RIN3: variants seen among roughly 807,000 people sequenced by gnomAD.
The protein encoded by RIN3 is RAB5 interacting protein 3.
Under a neutral mutation model 76.3 loss-of-function variants are expected in RIN3, and 54 were observed. The observed-to-expected ratio is 0.71, with a 90% confidence interval of 0.57 to 0.89. The LOEUF is 0.89. Among genes scored for constraint, RIN3 ranks in the 40% least tolerant of loss-of-function variants. The probability of loss-of-function intolerance (pLI) is 0.00; values close to 1 mark genes in which losing one functional copy is unlikely to be tolerated. For missense variants in RIN3, 1,256 were observed against 1,322.1 expected (o/e 0.95, Z 0.78); for synonymous variants, 576 against 564.0 (o/e 1.02, Z -0.30).
intron 5 of RIN3, among the ~76,000 whole-genome samples, chr14:92,650,218 G>C (rs1307211498): frequency 6.6e-6 from 1 of 152,208 alleles, no homozygotes; most frequent in Admixed American, 6.5e-5. Flanking sequence ...ATGAAGGAAG[G>C]CCGCCTAACA....
chr14:92,574,744 G>A (rs1898170028), intron 2 of RIN3, among the ~76,000 whole-genome samples: 1 of 152,048 alleles, frequency 6.6e-6, no homozygotes, highest in Admixed American at 6.6e-5. Flanking sequence ...TGGAGGAGAG[G>A]GGCTGCTAAA....
intron 3 of RIN3, among the ~76,000 whole-genome samples, chr14:92,598,968 G>T (rs1023637530): frequency 1.3e-5 from 2 of 152,152 alleles, no homozygotes; most frequent in South Asian, 4.1e-4. Flanking sequence ...GAATAGAAGT[G>T]TCCTGTTTGG....
At chr14:92,650,825 T>G (rs1470744615) in intron 5 of RIN3, 1 of 152,494 alleles carries the variant, frequency 6.6e-6, no homozygotes, top group Non-Finnish European at 1.5e-5. Context: ...ACTGAGCCCC[T>G]GGGGACTGGG....
At chr14:92,667,877 G>A (rs1015135243) in intron 7 of RIN3, among the ~76,000 whole-genome samples, 3 of 146,102 alleles carry the variant, frequency 2.1e-5, no homozygotes, top group Non-Finnish European at 4.5e-5. Flanking sequence ...GGAATGGGGG[G>A]GCATCTGAAA....
At chr14:92,608,909 A>G (rs956642437) in intron 3 of RIN3, among the ~76,000 whole-genome samples, 3 of 152,100 alleles carry the variant, frequency 2.0e-5, no homozygotes, top group Admixed American at 1.3e-4. Flanking sequence ...ATTTATTTTA[A>G]TTTGGGGGTA....
chr14:92,571,999 T>C (rs888368723), intron 2 of RIN3, among the ~76,000 whole-genome samples: 1 of 152,208 alleles, frequency 6.6e-6, no homozygotes, highest in African/African-American at 2.4e-5. Context: ...AGGCAAGTTT[T>C]AGAGCAGGAG....
intron 3 of RIN3, among the ~76,000 whole-genome samples, chr14:92,603,968 C>T (rs1015262977): frequency 1.6e-4 from 24 of 152,368 alleles, no homozygotes; most frequent in Admixed American, 5.9e-4. Context: ...AGCCCTGTGA[C>T]GGTAGCAAAC....
chr14:92,609,461 C>T (rs1304609692), intron 3 of RIN3, among the ~76,000 whole-genome samples: 2 of 152,212 alleles, frequency 1.3e-5, no homozygotes, highest in Non-Finnish European at 2.9e-5. Flanking sequence ...TATGTTTCCC[C>T]TGAGGCTTTT....
Position 92,530,675 on chromosome 14 carries a change from T to C in RIN3, c.44+16699T>C, listed in dbSNP as rs376210800. On this transcript the variant is annotated intron_variant, in intron 1 of 9. Transcript: ENST00000216487. ...ATTCAGCCACCTGAACCCAGGTTTC[T>C]CTGAGTCCAGAGCCTCTGCCCTAGC... Among the ~76,000 whole-genome samples the C allele has an allele frequency of 4.1e-3, 628 of 152,264 alleles. 5 individuals carry two copies. The highest frequency in any genetic ancestry group is 0.014 in the African/African-American group (595 of 41,526).
chr14:92,587,273 C>A (rs998359797), intron 3 of RIN3, among the ~76,000 whole-genome samples: 4 of 152,236 alleles, frequency 2.6e-5, no homozygotes, highest in African/African-American at 9.6e-5. Context: ...ACACCTGTCT[C>A]AGGTAATGGC....
At chr14:92,653,358 G>C (rs893498375) in intron 6 of RIN3, among the ~76,000 whole-genome samples, 1 of 152,162 alleles carries the variant, frequency 6.6e-6, no homozygotes, top group Non-Finnish European at 1.5e-5. Context: ...CCCTGCCATG[G>C]GGGACAAAGA....
chr14:92,555,825 C>T lies in RIN3; in HGVS notation c.119C>T (p.Pro40Leu), dbSNP rs761099402. ...DGMRLCLPANPKNCLPHRRGI... is the reference protein window; with the variant it reads ...DGMRLCLPANLKNCLPHRRGI... ...ATGCGGCTTTGTCTGCCAGCCAACC[C>T]GAAAAACTGCCTTCCTCACCGCCGG... Residue 40 changes from proline to leucine, a missense_variant, in exon 2 of 10, where the codon CCG becomes CTG. This residue lies in a region of RIN3 where 610 missense variants were observed against 626.4 expected (regional missense o/e 0.97). Coordinates refer to ENST00000216487, the MANE Select transcript of RIN3 (RefSeq NM_024832.5). 29 of 1,614,012 alleles carry T rather than the reference C, an allele frequency of 1.8e-5. No individual in the cohort carries two copies. The highest frequency in any genetic ancestry group is 2.3e-5 in the Non-Finnish European group (27 of 1,180,032).
intron 6 of RIN3, 118 bp downstream of exon 6, chr14:92,653,193 C>A: frequency 9.2e-7 from 1 of 1,091,706 alleles, no homozygotes; most frequent in Non-Finnish European, 1.3e-6. Context: ...ACCCCCTATC[C>A]CTTCCTGGGC....
chr14:92,659,216 C>T lies in RIN3; in HGVS notation c.2082C>T (p.Ala694=), dbSNP rs912599944. 2 of 1,614,040 alleles carry T rather than the reference C, an allele frequency of 1.2e-6. No homozygotes were observed. Among genetic ancestry groups the T allele is most frequent in the Admixed American group, 1.7e-5 (1 of 60,000 alleles). ...GTGTCCTGAAGCCCCTGAAGGAAGC[C>T]ATCAACTCATGCCTGCATCAGATCC... ...YKCVLKPLKE[A]INSCLHQIHS... Residue 694 remains alanine (A), a synonymous_variant, in exon 7 of 10, where the codon GCC becomes GCT. Coordinates refer to ENST00000216487, the MANE Select transcript of RIN3 (RefSeq NM_024832.5).
intron 2 of RIN3, among the ~76,000 whole-genome samples, chr14:92,574,741 G>C (rs569428474): frequency 2.7e-4 from 41 of 152,236 alleles, no homozygotes; most frequent in Non-Finnish European, 2.4e-4. Flanking sequence ...TGCTGGAGGA[G>C]AGGGGCTGCT....
chr14:92,651,880 A>ACCCCCCCCCCCCC lies in RIN3; in HGVS notation c.832_833insCCCCCCCCCCCCC (p.Arg278ProfsTer150). The ACCCCCCCCCCCCC allele has an allele frequency of 6.5e-7, 1 of 1,540,910 alleles. No homozygotes were observed. The highest frequency in any genetic ancestry group is 8.7e-7 in the Non-Finnish European group (1 of 1,146,858). On this transcript the variant is annotated frameshift_variant, in exon 6 of 10. Coordinates refer to ENST00000216487, the MANE Select transcript of RIN3 (RefSeq NM_024832.5). LOFTEE classifies it high-confidence loss of function. ...CCTCACCCACCTCCAGGTGGGCCCCACGCCGCCCACCACCCCCTCCCCCAG... is the reference window on the plus strand; with the variant it reads ...CCTCACCCACCTCCAGGTGGGCCCCACCCCCCCCCCCCCCGCCGCCCACCACCCCCTCCCCCAG...
At chr14:92,669,690 A>G (rs1054121684) in intron 7 of RIN3, among the ~76,000 whole-genome samples, 4 of 152,128 alleles carry the variant, frequency 2.6e-5, no homozygotes, top group Non-Finnish European at 4.4e-5. Context: ...TTTCCTCTCC[A>G]TCAGCGTCTG....
chr14:92,545,133 G>A lies in RIN3; in HGVS notation c.45-10618G>A, dbSNP rs563709306. Among the ~76,000 whole-genome samples, 42 of 111,506 alleles carry A rather than the reference G, an allele frequency of 3.8e-4. No individual in the cohort carries two copies. In the South Asian group the frequency reaches 6.6e-3, roughly 18 times the overall value. 73.2% of individuals were successfully genotyped at this position (111,506 alleles called of 152,430 possible). ...TTTTTTTTTTTTTTTTTTTTGAGAC[G>A]GAGTCTTGCTCTGTCCCCCAGGCTG... On this transcript the variant is annotated intron_variant, in intron 1 of 9. Transcript: ENST00000216487.
chr14:92,523,233 TC>T (rs1566826036), intron 1 of RIN3, among the ~76,000 whole-genome samples: 1 of 152,044 alleles, frequency 6.6e-6, no homozygotes, highest in Admixed American at 6.6e-5. Context: ...GCCTCAGCCT[TC>T]CGAGTAGCTG....
Sources: gnomAD v4.1 joint callset for allele counts (sites outside exome capture counted in the v4.1 genomes callset) on GRCh38, gnomAD v4.1.1 for gene constraint, gnomAD v4.1.1 regional missense constraint, MANE v1.5 for transcripts, NCBI Gene and HGNC (gene_info 2026-07-23, HGNC 2026-07-21) for gene names.